The following NCOR2 variants were observed in gnomAD, a reference collection of about 807,000 sequenced individuals.
The protein encoded by NCOR2 is CTG repeat protein 26.
In NCOR2, 81 loss-of-function variants were observed where a neutral mutation model predicts 262.9. The observed-to-expected ratio is 0.31, with a 90% CI of 0.26 to 0.37. The LOEUF is 0.37. NCOR2 is among the 10% of genes least tolerant of loss of function. NCOR2 has a pLI of 1.00. For missense variants in NCOR2, 3,385 were observed against 3,621.4 expected (o/e 0.93, Z 1.68); for synonymous variants, 1,659 against 1,559.3 (o/e 1.06, Z -1.51).
At chr12:124,329,439 C>T (rs935129188) in intron 44 of NCOR2, among the ~76,000 whole-genome samples, 14 of 150,118 alleles carry the variant, frequency 9.3e-5, no homozygotes, top group African/African-American at 2.7e-4. Flanking sequence ...CCAGCCTGGG[C>T]GACAGAGCAA....
In NCOR2 at chr12:124,433,904, A is replaced by ACACACACACACACACACACACACACACG. The variant is rs1555222718; in HGVS notation, c.883-3118_883-3117insCGTGTGTGTGTGTGTGTGTGTGTGTGTG. Among the ~76,000 whole-genome samples the ACACACACACACACACACACACACACACG allele has an allele frequency of 2.2e-3, 202 of 93,916 alleles. 10 individuals carry two copies. The highest frequency in any genetic ancestry group is 3.0e-3 in the Non-Finnish European group (141 of 47,068). 61.6% of individuals were successfully genotyped at this position (93,916 alleles called of 152,430 possible). On this transcript the variant is annotated intron_variant, in intron 8 of 46. Coordinates refer to ENST00000405201, the Ensembl canonical transcript of NCOR2. ...CACACACACACACACACACACGCACACACACACACAGGGAAAGACTGGAGC... is the reference window on the plus strand; with the variant it reads ...CACACACACACACACACACACGCACACACACACACACACACACACACACACACGCACACACACAGGGAAAGACTGGAGC...
intron 16 of NCOR2, among the ~76,000 whole-genome samples, chr12:124,391,850 C>T (rs778587865): frequency 2.4e-4 from 36 of 152,240 alleles, no homozygotes; most frequent in Non-Finnish European, 5.1e-4. Context: ...TCTCGCCTAC[C>T]ATTTCCGGAA....
intron 42 of NCOR2, among the ~76,000 whole-genome samples, chr12:124,332,753 T>C (rs761616779): frequency 2.0e-5 from 3 of 152,114 alleles, no homozygotes; most frequent in East Asian, 1.9e-4. Context: ...AGGACTGAAA[T>C]TGGGTTCCGA....
At chr12:124,328,564 G>C (rs986515528) in intron 44 of NCOR2, 1 of 152,198 alleles carries the variant, frequency 6.6e-6, no homozygotes, top group Admixed American at 6.5e-5. Context: ...GTGGAGGTGG[G>C]GGCCTTTGCA....
chr12:124,388,583 C>G (rs776383259), intron 16 of NCOR2: 85 of 1,212,718 alleles, frequency 7.0e-5, no homozygotes, highest in Admixed American at 9.6e-5. Flanking sequence ...GCCCAGAACT[C>G]CGACTCCCCA....
At position 124,481,409 on chromosome 12, in the gene NCOR2, G is replaced by A. The variant is rs953263531; in HGVS notation, c.411+2187C>T. Among the ~76,000 whole-genome samples, 71 of 152,180 alleles carry A rather than the reference G, an allele frequency of 4.7e-4. No homozygotes were observed. Among genetic ancestry groups the A allele is most frequent in the African/African-American group, 1.5e-3 (62 of 41,444 alleles). Reference sequence around the variant, plus strand: ...GCTGAATCTCACACCCCAGGAGGACGTGGTGGGGCTGCAGCCTCAGCCATG... The same window carrying A: ...GCTGAATCTCACACCCCAGGAGGACATGGTGGGGCTGCAGCCTCAGCCATG... On this transcript the variant is annotated intron_variant, in intron 3 of 46. Transcript: ENST00000405201. The surrounding 1 kb of genome is among the most constrained non-coding windows in gnomAD (Gnocchi z 4.6).
chr12:124,355,649 C>G (rs1374415632), intron 23 of NCOR2, 78 bp from the exon 26 acceptor site: 1 of 1,458,970 alleles, frequency 6.9e-7, no homozygotes, highest in African/African-American at 1.4e-5. Flanking sequence ...AGGCTGCACT[C>G]CACCTCTTCC....
At chr12:124,520,217 C>A (rs79042422) in intron 1 of NCOR2, among the ~76,000 whole-genome samples, 5,460 of 152,290 alleles carry the variant, frequency 0.036, 352 homozygotes, top group African/African-American at 0.12. Context: ...GCTACTCTTA[C>A]GCCTTCTTTT....
rs77999680 is a variant in NCOR2, at chr12:124,509,249, G to GGGC, written c.-117-13882_-117-13881insGCC. On this transcript the variant is annotated intron_variant, in intron 1 of 46. Coordinates refer to the NCOR2 transcript ENST00000404621. ...ACTGGCTTTGGTGGGGGGGGGGGGG[G>GGGC]CTTAACTCTGAACTCTCAAGCTGAG... Among the ~76,000 whole-genome samples, 35 of 145,962 alleles carry GGGC rather than the reference G, an allele frequency of 2.4e-4. 1 individual carries two copies. Among genetic ancestry groups the GGGC allele is most frequent in the African/African-American group, 9.4e-4 (35 of 37,322 alleles).
At chr12:124,491,887 A>C (rs2048100426) in intron 1 of NCOR2, among the ~76,000 whole-genome samples, 1 of 152,010 alleles carries the variant, frequency 6.6e-6, no homozygotes, top group South Asian at 2.1e-4. Context: ...GAGGATGGAG[A>C]GAATGAGGCA....
In NCOR2 at chr12:124,384,516, C is replaced by T. The variant is rs761311728; in HGVS notation, c.2019+1229G>A. 8.5e-5 allele frequency among the ~76,000 whole-genome samples: 13 copies of T among 152,168 alleles called. No homozygotes were observed. The South Asian group carries it at 1.0e-3, about 12-fold the overall frequency. ...AGCCCTGACCACAGGGCCGTGGGAC[C>T]GTGGCCCCTCGGTCCCGGAGCCACC... is the stretch of plus-strand genomic sequence containing the variant. On this transcript the variant is annotated intron_variant, in intron 17 of 46. Transcript: ENST00000405201.
rs1347698599 is a variant in NCOR2 at position 124,482,886 on chromosome 12, C to T, written c.411+710G>A. Among the ~76,000 whole-genome samples, 2 of 152,176 alleles carry T rather than the reference C, an allele frequency of 1.3e-5. No individual in the cohort carries two copies. The highest frequency in any genetic ancestry group is 1.3e-4 in the Admixed American group (2 of 15,280). ...GCCACACGGTGGCCCAAGGAGCAGCCAGACTGGGCAGTAGAAGGCGGCTTT... is the reference window on the plus strand; with the variant it reads ...GCCACACGGTGGCCCAAGGAGCAGCTAGACTGGGCAGTAGAAGGCGGCTTT... On this transcript the variant is annotated intron_variant, in intron 3 of 46. Transcript: ENST00000405201. The surrounding 1 kb of genome is among the most constrained non-coding windows in gnomAD (Gnocchi z 6.3).
chr12:124,350,840 G>T, intron 27 of NCOR2, 103 bp from the exon 30 acceptor site: 1 of 1,225,392 alleles, frequency 8.2e-7, no homozygotes, highest in Non-Finnish European at 1.1e-6. Context: ...GCCCACCGAT[G>T]CACACGCGTG....
At chr12:124,532,331 G>A (rs1463921221) in intron 1 of NCOR2, among the ~76,000 whole-genome samples, 2 of 151,422 alleles carry the variant, frequency 1.3e-5, no homozygotes, top group African/African-American at 4.9e-5. Flanking sequence ...AGTGGGTGTG[G>A]TGGGGCAGGG....
At chr12:124,567,598 C>CGCGGCGGCGGCGGCGGCG (rs1555247060), upstream of NCOR2, 1 of 138,696 alleles carries the variant, frequency 7.2e-6, no homozygotes, top group Non-Finnish European at 1.6e-5. Context: ...CCCCGGCGGC[C>CGCGGCGGCGGCGGCGGCG]GCGGCGGCGG....
At chr12:124,408,821 TC>T (rs1264260190) in intron 13 of NCOR2, among the ~76,000 whole-genome samples, 1 of 152,190 alleles carries the variant, frequency 6.6e-6, no homozygotes, top group African/African-American at 2.4e-5. Context: ...TGCTTCCTGA[TC>T]ATCTGGCTAC....
intron 13 of NCOR2, 144 bp from the exon 16 acceptor site, chr12:124,402,705 G>C (rs548449945): frequency 2.1e-6 from 3 of 1,443,678 alleles, no homozygotes; most frequent in African/African-American, 1.4e-5. Context: ...ATAAACAACC[G>C]GGAAGCCAGG....
intron 6 of NCOR2, among the ~76,000 whole-genome samples, chr12:124,452,093 C>T (rs1382982563): frequency 6.6e-6 from 1 of 152,234 alleles, no homozygotes; most frequent in East Asian, 1.9e-4. Context: ...CAGCCCTGAA[C>T]AGAGGGCAGT....
At chr12:124,401,083 T>C (rs1429779694) in intron 14 of NCOR2, among the ~76,000 whole-genome samples, 1 of 152,018 alleles carries the variant, frequency 6.6e-6, no homozygotes, top group African/African-American at 2.4e-5. Flanking sequence ...TGGTGGCATA[T>C]GCTGATGGTC....
Sources: gnomAD v4.1 joint callset for allele counts (sites outside exome capture counted in the v4.1 genomes callset) on GRCh38, gnomAD v4.1.1 for gene constraint, Gnocchi (gnomAD v3.1) non-coding constraint, MANE v1.5 for transcripts, NCBI Gene and HGNC (gene_info 2026-07-23, HGNC 2026-07-21) for gene names.